The following MACF1 variants were observed in gnomAD, a reference collection of about 807,000 sequenced individuals.
MACF1 encodes the protein microtubule-actin cross-linking factor 1.
MACF1 carries 193 observed loss-of-function variants against 854.8 expected under a neutral mutation model. The ratio of observed to expected loss-of-function variants is 0.23; its 90% CI spans 0.20 to 0.25. The LOEUF (loss-of-function observed/expected upper bound fraction) is 0.25. MACF1 is among the 10% of genes least tolerant of loss of function. The probability of loss-of-function intolerance (pLI) is 1.00; values close to 1 mark genes in which losing one functional copy is unlikely to be tolerated. For synonymous variants in MACF1, 3,185 were observed against 3,226.7 expected (o/e 0.99, Z 0.44); for missense variants, 7,722 against 8,929.1 (o/e 0.86, Z 5.45).
intron 5 of MACF1, chr1:39,254,597 G>A (rs1645077664): frequency 2.1e-6 from 1 of 478,284 alleles, no homozygotes; most frequent in Non-Finnish European, 3.7e-6. Flanking sequence ...AATGTTCACG[G>A]AGAAGAACAT....
intron 2 of MACF1, among the ~76,000 whole-genome samples, chr1:39,246,853 T>G (rs912361350): frequency 2.6e-5 from 4 of 151,620 alleles, no homozygotes; most frequent in Admixed American, 2.6e-4. Flanking sequence ...TATGGACTCA[T>G]GAGAGCCAAG....
In MACF1 at chr1:39,347,117, G is replaced by C. The variant is rs376062467; in HGVS notation, c.10722G>C (p.Gln3574His). Residue 3574 changes from glutamine to histidine, a missense_variant, in exon 41 of 101, where the codon CAG becomes CAC. Physicochemically the swap from Gln to His is conservative, Grantham distance 24. This residue lies in a region of MACF1 where 854 missense variants were observed against 852.6 expected (regional missense o/e 1.00). Coordinates refer to ENST00000564288, the MANE Select transcript of MACF1 (RefSeq NM_001394062.1). ...TGCTGAGGCTTCTGAATGAACTGCA[G>C]AGGTCCTTCCAGGACATTTTGGAAC... ...RQMLRLLNEL[Q>H]RSFQDILEQT... 9 of 1,613,970 alleles carry C rather than the reference G, an allele frequency of 5.6e-6. No individual in the cohort carries two copies. In the African/African-American group the frequency reaches 1.2e-4, roughly 22 times the overall value.
chr1:39,393,196 A>AAAAAAAAAAAATATATATATATATAT (rs57576149), intron 58 of MACF1, among the ~76,000 whole-genome samples: 7 of 66,570 alleles, frequency 1.1e-4, no homozygotes, highest in African/African-American at 1.7e-4. Flanking sequence ...AAAAAAAAAA[A>AAAAAAAAAAAATATATATATATATAT]ATATATATAT....
chr1:39,226,581 C>T (rs1644719023), intron 1 of MACF1, among the ~76,000 whole-genome samples: 1 of 152,058 alleles, frequency 6.6e-6, no homozygotes, highest in African/African-American at 2.4e-5. Flanking sequence ...CCTCGTGATC[C>T]ACCCGCCTCA....
At chr1:39,201,679 A>G (rs115081841), upstream of MACF1, among the ~76,000 whole-genome samples, 787 of 151,976 alleles carry the variant, frequency 5.2e-3, 5 homozygotes, top group African/African-American at 0.018. Flanking sequence ...CCTAAGTTAA[A>G]TCGTGTTACT....
At position 39,315,532 on chromosome 1, in the gene MACF1, A is replaced by C; in HGVS notation, c.3290A>C (p.Gln1097Pro). The C allele has an allele frequency of 6.2e-7, 1 of 1,614,078 alleles. No homozygotes were observed. Among genetic ancestry groups the C allele is most frequent in the African/African-American group, 1.3e-5 (1 of 75,032 alleles). ...AEQEHTQEDLQQLRSDLDAVS... is the reference protein window; with the variant it reads ...AEQEHTQEDLPQLRSDLDAVS... ...TGGCAGCACACCCAGGAGGATTTACAGCAATTGAGGTCAGACTTGGATGCA... is the reference window on the plus strand; with the variant it reads ...TGGCAGCACACCCAGGAGGATTTACCGCAATTGAGGTCAGACTTGGATGCA... Residue 1097 changes from glutamine to proline, a missense_variant, in exon 27 of 101, where the codon CAG (glutamine) becomes CCG (proline). Gln to Pro is a moderately conservative substitution (Grantham distance 76). Around this residue, in one of 15 missense-constraint regions of MACF1, gnomAD observed 1,137 missense variants for 1,263.0 expected, o/e 0.90. Transcript: ENST00000564288.
chr1:39,258,294 T>C (rs1387215320), intron 6 of MACF1, among the ~76,000 whole-genome samples: 1 of 152,224 alleles, frequency 6.6e-6, no homozygotes, highest in Non-Finnish European at 1.5e-5. Context: ...AGTCTGGTTA[T>C]TAGAGGTCTG....
intron 58 of MACF1, among the ~76,000 whole-genome samples, chr1:39,400,207 G>T (rs2148591051): frequency 1.3e-5 from 2 of 152,296 alleles, no homozygotes; most frequent in Middle Eastern, 6.8e-3. Context: ...CTGAATACAA[G>T]TTCTAGTCAG....
At chr1:39,287,769 G>A (rs1447872351) in intron 15 of MACF1, among the ~76,000 whole-genome samples, 1 of 152,110 alleles carries the variant, frequency 6.6e-6, no homozygotes, top group African/African-American at 2.4e-5. Context: ...AGTCTCTTGA[G>A]TAGCTGGGAC....
At position 39,388,272 on chromosome 1, in the gene MACF1, G is replaced by A. The variant is rs770226562; in HGVS notation, c.15430G>A (p.Gly5144Ser). The stretch of plus-strand genomic sequence containing the variant: ...GGCAGACCTGGATGATGAGCTAGAT[G>A]GCATGGGTGCTATTGGCAGAGACAC... ...QLADLDDELD[G>S]MGAIGRDTDS... The change falls in exon 58 of 101, where the codon GGC becomes AGC. Residue 5144 changes from glycine (G) to serine (S), a missense_variant. Physicochemically the swap from Gly to Ser is moderately conservative, Grantham distance 56. Transcript: ENST00000564288. The A allele has an allele frequency of 3.7e-6, 6 of 1,614,088 alleles. No individual in the cohort carries two copies. The Middle Eastern group carries it at 4.9e-4, about 133-fold the overall frequency.
chr1:39,346,450 C>A (rs952562016), intron 40 of MACF1, among the ~76,000 whole-genome samples: 1 of 151,706 alleles, frequency 6.6e-6, no homozygotes, highest in Admixed American at 6.6e-5. Context: ...ATTTGGAAAT[C>A]AAGGTAGGTC....
rs556484531 is a variant in MACF1 at position 39,177,817 on chromosome 1, C to G, written c.221-53365C>G. Among the ~76,000 whole-genome samples, 7 of 152,168 alleles carry G rather than the reference C, an allele frequency of 4.6e-5. No individual in the cohort carries two copies. In the South Asian group the frequency reaches 1.5e-3, roughly 32 times the overall value. ...CATTGCTTTCTGAAGTGCCCTTAGG[C>G]CTTTCTCAGTGACTCTTAAGTTTTA... On this transcript the variant is annotated intron_variant, in intron 2 of 93. Transcript: ENST00000361689.
chr1:39,216,877 A>G (rs946192627), intron 1 of MACF1, among the ~76,000 whole-genome samples: 8 of 152,212 alleles, frequency 5.3e-5, no homozygotes, highest in South Asian at 4.1e-4. Flanking sequence ...ATCTCCCCCA[A>G]TCCCACATAA....
intron 58 of MACF1, among the ~76,000 whole-genome samples, chr1:39,407,954 G>A (rs1278045173): frequency 1.3e-5 from 2 of 152,168 alleles, no homozygotes; most frequent in African/African-American, 2.4e-5. Context: ...ACAGTTTCCT[G>A]GGTTGCCCTT....
intron 2 of MACF1, among the ~76,000 whole-genome samples, chr1:39,159,897 C>G (rs1211709021): frequency 6.6e-6 from 1 of 151,978 alleles, no homozygotes; most frequent in Non-Finnish European, 1.5e-5. Flanking sequence ...AAGTGGCAGA[C>G]AGGGTGTGGG....
At chr1:39,155,258 G>T (rs1346053663) in intron 2 of MACF1, among the ~76,000 whole-genome samples, 1 of 152,124 alleles carries the variant, frequency 6.6e-6, no homozygotes, top group Non-Finnish European at 1.5e-5. Context: ...TCTGATAAAT[G>T]TTATGAAACA....
rs748890114 is a variant in MACF1, at chr1:39,424,075, T to A, written c.16197T>A (p.Leu5399=). The A allele has an allele frequency of 2.5e-6, 4 of 1,612,086 alleles. No individual in the cohort carries two copies. Among genetic ancestry groups the A allele is most frequent in the Non-Finnish European group, 3.4e-6 (4 of 1,179,668 alleles). Residue 5399 remains leucine, a synonymous_variant, in exon 61 of 101, where the codon CTT becomes CTA. Transcript: ENST00000564288. ...ATCGAAAGGCCACAGTAGACATGCT[T>A]CAAGCAGAAGGAGGCAGAATAGCCC... is the stretch of plus-strand genomic sequence containing the variant. ...LDDRKATVDM[L]QAEGGRIAQS...
At chr1:39,255,007 A>G (rs1645081726) in intron 5 of MACF1, among the ~76,000 whole-genome samples, 1 of 152,130 alleles carries the variant, frequency 6.6e-6, no homozygotes, top group Admixed American at 6.5e-5. Flanking sequence ...ATTGGTAGTC[A>G]TAGAACGTTT....
chr1:39,171,481 G>C (rs1643947942), intron 2 of MACF1, among the ~76,000 whole-genome samples: 1 of 152,038 alleles, frequency 6.6e-6, no homozygotes, highest in Non-Finnish European at 1.5e-5. Context: ...TGACTTGCCT[G>C]CCCTGGATTT....
Sources: allele counts gnomAD v4.1 joint callset (sites outside exome capture counted in the v4.1 genomes callset), GRCh38; gene constraint gnomAD v4.1.1; regional missense constraint gnomAD v4.1.1; transcripts MANE v1.5; gene names NCBI Gene and HGNC (gene_info 2026-07-23, HGNC 2026-07-21).